The following PTPRG variants were observed in gnomAD, a reference collection of about 807,000 sequenced individuals.
The protein encoded by PTPRG is protein tyrosine phosphatase receptor type G.
In PTPRG, 102 loss-of-function variants were observed where a neutral mutation model predicts 165.3. The observed-to-expected ratio is 0.62, with a 90% CI of 0.53 to 0.73. PTPRG has a LOEUF of 0.73. Among genes scored for constraint, PTPRG ranks in the 30% least tolerant of loss-of-function variants. The pLI is 0.00. For synonymous variants in PTPRG, 675 were observed against 669.5 expected, an observed-to-expected ratio of 1.01 and a Z score of -0.13; for missense variants, 1,866 against 1,861.4, an observed-to-expected ratio of 1.00 and a Z score of -0.05.
At chr3:61,904,451 G>A (rs1335487005) in intron 2 of PTPRG, among the ~76,000 whole-genome samples, 1 of 152,176 alleles carries the variant, frequency 6.6e-6, no homozygotes, top group Non-Finnish European at 1.5e-5. Context: ...AATGTGGGCA[G>A]TGCAGATCAA....
At position 62,219,121 on chromosome 3, in the gene PTPRG, G is replaced by C. The variant is rs80029369; in HGVS notation, c.2288+138G>C. 290 of 1,207,354 alleles carry C rather than the reference G, an allele frequency of 2.4e-4. No homozygotes were observed. In the African/African-American group the frequency reaches 4.0e-3, roughly 17 times the overall value. The allele number at this position is 1,207,354 out of a possible 1,614,324, so 74.8% of individuals were successfully genotyped here. On this transcript the variant is annotated intron_variant, in intron 13 of 29. Coordinates refer to ENST00000474889, the MANE Select transcript of PTPRG (RefSeq NM_002841.4). This position sits in a 1 kb window ranked among gnomAD's most constrained non-coding sequence, Gnocchi z 4.5. ...TGTTTCTGGTCTTGCCACCCGGAAGGCCATCTTGTCTCTGTTAGATGATGG... is the reference window on the plus strand; with the variant it reads ...TGTTTCTGGTCTTGCCACCCGGAAGCCCATCTTGTCTCTGTTAGATGATGG...
At chr3:61,767,800 T>C (rs1321622892) in intron 2 of PTPRG, among the ~76,000 whole-genome samples, 1 of 151,690 alleles carries the variant, frequency 6.6e-6, no homozygotes, top group African/African-American at 2.4e-5. Context: ...GGGATCCCGT[T>C]TGTACCAAAG....
intron 4 of PTPRG, among the ~76,000 whole-genome samples, chr3:62,059,794 G>T (rs1249419994): frequency 6.6e-6 from 1 of 152,156 alleles, no homozygotes; most frequent in African/African-American, 2.4e-5. Flanking sequence ...CCATGCTGCT[G>T]TTCTCATGAT....
At chr3:61,565,953 T>C (rs1442112566) in intron 1 of PTPRG, among the ~76,000 whole-genome samples, 1 of 152,120 alleles carries the variant, frequency 6.6e-6, no homozygotes, top group African/African-American at 2.4e-5. Flanking sequence ...TTTTTCCCTC[T>C]CCCTCATGTA....
chr3:61,853,305 G>T (rs2037017145), intron 2 of PTPRG, among the ~76,000 whole-genome samples: 1 of 152,192 alleles, frequency 6.6e-6, no homozygotes, highest in South Asian at 2.1e-4. Flanking sequence ...AAGAGAGCTG[G>T]TTTGTGTGAT....
At chr3:62,094,694 C>T (rs1445845066) in intron 5 of PTPRG, among the ~76,000 whole-genome samples, 1 of 152,208 alleles carries the variant, frequency 6.6e-6, no homozygotes, top group Non-Finnish European at 1.5e-5. Flanking sequence ...TCTTCTAGTC[C>T]AACGTCCCCA....
At position 62,160,864 on chromosome 3, in the gene PTPRG, A is replaced by ATTTTTTTTTTT. The variant is rs5849464; in HGVS notation, c.840+3654_840+3664dup. 2.1e-4 allele frequency among the ~76,000 whole-genome samples: 22 copies of ATTTTTTTTTTT among 103,984 alleles called. 1 individual carries two copies. The highest frequency in any genetic ancestry group is 7.2e-4 in the African/African-American group (19 of 26,500). 68.2% of individuals were successfully genotyped at this position (103,984 alleles called of 152,430 possible). A position where few individuals can be genotyped will look rare whatever the true frequency, so the allele number is the denominator to read the frequency against. The stretch of plus-strand genomic sequence containing the variant: ...TACTTTGTTTACCTTTAGATGTGTG[A>ATTTTTTTTTTT]TTTTTTTTTTTTTTTTTTTTTTTTC... On this transcript the variant is annotated intron_variant, in intron 7 of 29. Coordinates refer to ENST00000474889, the MANE Select transcript of PTPRG (RefSeq NM_002841.4).
intron 2 of PTPRG, among the ~76,000 whole-genome samples, chr3:61,939,201 TAAAAC>T (rs1457488342): frequency 6.6e-6 from 1 of 152,148 alleles, no homozygotes; most frequent in Non-Finnish European, 1.5e-5. Context: ...CATTTAAAAA[TAAAAC>T]ACTGTTTTCT....
intron 17 of PTPRG, among the ~76,000 whole-genome samples, chr3:62,266,338 A>C (rs1701873053): frequency 6.6e-6 from 1 of 152,172 alleles, no homozygotes; most frequent in Non-Finnish European, 1.5e-5. Context: ...ACCTTCTCTC[A>C]GATTCATCAC....
intron 28 of PTPRG, among the ~76,000 whole-genome samples, chr3:62,283,444 G>T (rs2148891681): frequency 6.6e-6 from 1 of 152,166 alleles, no homozygotes; most frequent in Non-Finnish European, 1.5e-5. Context: ...TGGTATCCCA[G>T]CCCAGCACCT....
chr3:62,055,922 GTCA>G (rs1356944681), intron 4 of PTPRG, among the ~76,000 whole-genome samples: 2 of 152,188 alleles, frequency 1.3e-5, no homozygotes, highest in African/African-American at 4.8e-5. Context: ...TAAGGTGACA[GTCA>G]TAGGTATACA....
chr3:61,842,147 G>A (rs1197753853), intron 2 of PTPRG, among the ~76,000 whole-genome samples: 1 of 152,204 alleles, frequency 6.6e-6, no homozygotes, highest in Non-Finnish European at 1.5e-5. Flanking sequence ...GCCTGTCTCT[G>A]AGTATGCATC....
intron 5 of PTPRG, among the ~76,000 whole-genome samples, chr3:62,131,986 G>A (rs1703533209): frequency 6.6e-6 from 1 of 152,174 alleles, no homozygotes; most frequent in African/African-American, 2.4e-5. Context: ...GAAAGTTAAG[G>A]GAAAGAAGAG....
intron 2 of PTPRG, among the ~76,000 whole-genome samples, chr3:61,914,398 T>C (rs1487178878): frequency 1.3e-5 from 2 of 152,196 alleles, no homozygotes; most frequent in Admixed American, 6.5e-5. Context: ...TCTAGAGAAA[T>C]GTTCCAGAGA....
chr3:62,232,637 GC>G (rs956526996), intron 14 of PTPRG, among the ~76,000 whole-genome samples: 5 of 152,162 alleles, frequency 3.3e-5, no homozygotes, highest in African/African-American at 1.2e-4. Flanking sequence ...TGATGATGTA[GC>G]CTGCCAGACT....
At chr3:61,946,275 A>T (rs924391788) in intron 2 of PTPRG, among the ~76,000 whole-genome samples, 3 of 152,204 alleles carry the variant, frequency 2.0e-5, no homozygotes, top group Non-Finnish European at 2.9e-5. Context: ...TCTGACAGCA[A>T]CTCTACAATT....
At chr3:61,690,981 CAAAAT>C (rs536327750) in intron 1 of PTPRG, among the ~76,000 whole-genome samples, 21 of 151,924 alleles carry the variant, frequency 1.4e-4, no homozygotes, top group East Asian at 7.7e-4. Context: ...TTTACATAGA[CAAAAT>C]AAAACCACAG....
At chr3:61,582,966 T>C (rs1270630188) in intron 1 of PTPRG, among the ~76,000 whole-genome samples, 1 of 152,184 alleles carries the variant, frequency 6.6e-6, no homozygotes, top group Non-Finnish European at 1.5e-5. Flanking sequence ...TGAGATAAGA[T>C]ACCTTCCTAC....
intron 4 of PTPRG, among the ~76,000 whole-genome samples, chr3:62,027,827 A>G (rs1267034301): frequency 6.6e-6 from 1 of 152,332 alleles, no homozygotes; most frequent in East Asian, 1.9e-4. Context: ...GTTCGTCTAT[A>G]GGACAAGGCC....
Sources: gnomAD v4.1 joint callset for allele counts (sites outside exome capture counted in the v4.1 genomes callset) on GRCh38, gnomAD v4.1.1 for gene constraint, Gnocchi (gnomAD v3.1) non-coding constraint, MANE v1.5 for transcripts, NCBI Gene and HGNC (gene_info 2026-07-23, HGNC 2026-07-21) for gene names.